Variants in ZNF875 observed in about 807,000 individuals in gnomAD.
The protein encoded by ZNF875 is zinc finger protein 875.
Under a neutral mutation model 11.2 loss-of-function variants are expected in ZNF875, and 14 were observed. The ratio of observed to expected loss-of-function variants is 1.26; its 90% CI spans 0.83 to 1.96. The LOEUF (loss-of-function observed/expected upper bound fraction) is 1.96. Ranked by LOEUF, ZNF875 falls within the 30% of genes most tolerant of loss-of-function variation. The pLI is 0.00. For synonymous variants in ZNF875, 301 were observed against 281.1 expected, an observed-to-expected ratio of 1.07 and a Z score of -0.71; for missense variants, 752 against 760.4, an observed-to-expected ratio of 0.99 and a Z score of 0.13.
intron 4 of ZNF875, among the ~76,000 whole-genome samples, chr19:37,325,806 G>A (rs1054984138): frequency 6.6e-6 from 1 of 152,000 alleles, no homozygotes; most frequent in African/African-American, 2.4e-5. Context: ...ATCTGGGGCC[G>A]AAATGATCCT....
intron 4 of ZNF875, among the ~76,000 whole-genome samples, chr19:37,352,561 A>G (rs1404055350): frequency 6.6e-6 from 1 of 151,670 alleles, no homozygotes; most frequent in Non-Finnish European, 1.5e-5. Flanking sequence ...GCTTTTTAAT[A>G]TTTACTCTTT....
rs148655088 is a variant in ZNF875 at position 37,363,349 on chromosome 19, A to G, written c.1497A>G (p.Thr499=). 1 of 1,611,146 alleles carries G rather than the reference A, an allele frequency of 6.2e-7. No homozygotes were observed. Among genetic ancestry groups the G allele is most frequent in the Non-Finnish European group, 8.5e-7 (1 of 1,178,012 alleles). The change falls in exon 5 of 5, where the codon ACA becomes ACG. Residue 499 remains threonine, a synonymous_variant. Transcript: ENST00000392153. ...CAACCCTGAGCACGCACCAGAGGACACACTCAGGGGAGAAGCCATTTGTAT... is the reference window on the plus strand; with the variant it reads ...CAACCCTGAGCACGCACCAGAGGACGCACTCAGGGGAGAAGCCATTTGTAT... The part of the protein sequence containing the change: ...RKSTLSTHQR[T]HSGEKPFVCA...
At chr19:37,324,385 C>A (rs1408946447) in intron 4 of ZNF875, 2 of 152,174 alleles carry the variant, frequency 1.3e-5, no homozygotes, top group African/African-American at 4.8e-5. Context: ...AATGACCCAT[C>A]TGTAGACCTC....
intron 4 of ZNF875, among the ~76,000 whole-genome samples, chr19:37,350,712 A>G (rs1035079254): frequency 6.6e-6 from 1 of 151,858 alleles, no homozygotes; most frequent in Non-Finnish European, 1.5e-5. Context: ...TTCTATCACT[A>G]CAAAGAAAAC....
chr19:37,351,167 C>G (rs898918060), intron 4 of ZNF875, among the ~76,000 whole-genome samples: 1 of 152,092 alleles, frequency 6.6e-6, no homozygotes, highest in Non-Finnish European at 1.5e-5. Context: ...ATGTGTCAGT[C>G]TTTTTAAATT....
At chr19:37,318,678 C>T (rs1056716135) in intron 1 of ZNF875, among the ~76,000 whole-genome samples, 6 of 151,814 alleles carry the variant, frequency 4.0e-5, no homozygotes, top group Admixed American at 3.9e-4. Flanking sequence ...CCCGCCACCA[C>T]GTCCCGCTAA....
At chr19:37,331,250 T>C (rs1251076476), upstream of ZNF875, among the ~76,000 whole-genome samples, 4 of 97,082 alleles carry the variant, frequency 4.1e-5, no homozygotes, top group African/African-American at 1.6e-4. Context: ...TTTTTTTTTT[T>C]GAGAGTCTCG....
intron 1 of ZNF875, 187 bp from the exon 2 acceptor site, chr19:37,334,982 C>G: frequency 3.8e-6 from 2 of 524,986 alleles, no homozygotes; most frequent in Non-Finnish European, 7.0e-6. Flanking sequence ...CACTCCCTGT[C>G]CCGAGCTTGC....
At chr19:37,343,029 T>G (rs979052467) in intron 2 of ZNF875, among the ~76,000 whole-genome samples, 10 of 152,128 alleles carry the variant, frequency 6.6e-5, no homozygotes, top group African/African-American at 2.4e-4. Flanking sequence ...GTGTACCAAC[T>G]TAGTGGCCTA....
At chr19:37,323,585 T>A (rs1407046692) in intron 3 of ZNF875, 2 of 152,178 alleles carry the variant, frequency 1.3e-5, no homozygotes, top group Non-Finnish European at 2.9e-5. Flanking sequence ...GGCTCACCTT[T>A]CAATAGTTAC....
chr19:37,319,800 TCTC>T (rs2031003056), intron 1 of ZNF875, among the ~76,000 whole-genome samples: 1 of 152,166 alleles, frequency 6.6e-6, no homozygotes, highest in Non-Finnish European at 1.5e-5. Flanking sequence ...CTCTCTCTCT[TCTC>T]TTGTCTACAC....
At chr19:37,334,547 C>T (rs913501542), upstream of ZNF875, 2 of 369,838 alleles carry the variant, frequency 5.4e-6, no homozygotes, top group Middle Eastern at 5.0e-4. Flanking sequence ...GCAAAGCCGA[C>T]TTCTCCGCCT....
chr19:37,341,061 G>A (rs997009944), intron 2 of ZNF875, among the ~76,000 whole-genome samples: 3 of 152,134 alleles, frequency 2.0e-5, no homozygotes, highest in African/African-American at 7.2e-5. Flanking sequence ...ATGAATTCAT[G>A]CCCAGGAGTG....
Position 37,355,758 on chromosome 19 carries a change from C to T in ZNF875, c.257-6351C>T, listed in dbSNP as rs953770495. ...TATTATTTCAATAATCTTTCTCTGT[C>T]TTTTATAACATTGACATTTCATTTG... is the stretch of plus-strand genomic sequence containing the variant. On this transcript the variant is annotated intron_variant, in intron 4 of 4. Transcript: ENST00000392153. Among the ~76,000 whole-genome samples the T allele has an allele frequency of 1.5e-4, 23 of 152,176 alleles. 1 individual carries two copies. In the East Asian group the frequency reaches 4.2e-3, roughly 28 times the overall value.
chr19:37,341,459 G>T (rs2035707368), intron 2 of ZNF875, among the ~76,000 whole-genome samples: 1 of 152,104 alleles, frequency 6.6e-6, no homozygotes, highest in African/African-American at 2.4e-5. Context: ...TGTGGGCTTG[G>T]GCTTGGTCAA....
At chr19:37,335,811 G>GT (rs2034256993) in intron 2 of ZNF875, among the ~76,000 whole-genome samples, 2 of 152,264 alleles carry the variant, frequency 1.3e-5, no homozygotes, top group South Asian at 4.1e-4. Flanking sequence ...ACAGTTTACC[G>GT]TTTAATCATA....
intron 4 of ZNF875, chr19:37,358,136 T>C: frequency 2.5e-5 from 6 of 236,180 alleles, no homozygotes; most frequent in Non-Finnish European, 4.7e-5. Flanking sequence ...AGATGATCTT[T>C]TTTTTTTTTT....
chr19:37,333,281 C>T (rs1311133378), upstream of ZNF875, among the ~76,000 whole-genome samples: 1 of 145,486 alleles, frequency 6.9e-6, no homozygotes, highest in Non-Finnish European at 1.5e-5. Context: ...TTTTCTAGTC[C>T]CTGCTTTTCA....
chr19:37,336,882 C>G (rs1043343753), intron 2 of ZNF875, among the ~76,000 whole-genome samples: 1 of 151,626 alleles, frequency 6.6e-6, no homozygotes, highest in Non-Finnish European at 1.5e-5. Flanking sequence ...CACTCCAGCC[C>G]GGGCAACAGA....
Sources: gnomAD v4.1 joint callset for allele counts (sites outside exome capture counted in the v4.1 genomes callset) on GRCh38, gnomAD v4.1.1 for gene constraint, MANE v1.5 for transcripts, NCBI Gene and HGNC (gene_info 2026-07-23, HGNC 2026-07-21) for gene names.